LRMDA: variants seen among roughly 807,000 people sequenced by gnomAD.
The protein encoded by LRMDA is leucine rich melanocyte differentiation associated.
Under a neutral mutation model 29.8 loss-of-function variants are expected in LRMDA, and 18 were observed. That is an observed-to-expected ratio of 0.60 (90% CI 0.42 to 0.90). The LOEUF is 0.90. Ranked by LOEUF, LRMDA falls within the 40% of genes least tolerant of loss-of-function variation. The pLI, the probability that LRMDA is intolerant of heterozygous loss-of-function variation, is 0.00. For missense variants in LRMDA, 273 were observed against 273.9 expected, an observed-to-expected ratio of 1.00 and a Z score of 0.02; for synonymous variants, 125 against 109.4, an observed-to-expected ratio of 1.14 and a Z score of -0.89.
chr10:75,749,458 A>G (rs1842926918), intron 2 of LRMDA, among the ~76,000 whole-genome samples: 1 of 152,134 alleles, frequency 6.6e-6, no homozygotes, highest in Admixed American at 6.5e-5. Flanking sequence ...ATATATGTGT[A>G]TATGTACATA....
At chr10:75,959,202 G>A (rs912168495) in intron 2 of LRMDA, among the ~76,000 whole-genome samples, 3 of 152,080 alleles carry the variant, frequency 2.0e-5, no homozygotes, top group Non-Finnish European at 2.9e-5. Context: ...AGGTCCTCCC[G>A]CCCCATTTCC....
rs145177023 is a variant in LRMDA at position 75,656,941 on chromosome 10, C to T, written c.131+218447C>T. Reference sequence around the variant, plus strand: ...TATTAAAGTGTTTAAAGCGGCTTAACGGGTTGATGTAAAATTAAGCATCAT... The same window carrying T: ...TATTAAAGTGTTTAAAGCGGCTTAATGGGTTGATGTAAAATTAAGCATCAT... On this transcript the variant is annotated intron_variant, in intron 2 of 6. Coordinates refer to ENST00000611255, the MANE Select transcript of LRMDA (RefSeq NM_001305581.2). Among the ~76,000 whole-genome samples, 37 of 152,204 alleles carry T rather than the reference C, an allele frequency of 2.4e-4. 1 individual carries two copies. The highest frequency in any genetic ancestry group is 5.5e-4 in the African/African-American group (23 of 41,524).
chr10:76,109,524 T>C (rs776164869), intron 5 of LRMDA, among the ~76,000 whole-genome samples: 3 of 152,244 alleles, frequency 2.0e-5, no homozygotes, highest in African/African-American at 7.2e-5. Flanking sequence ...TTGAGAACTC[T>C]GTCTTCTCCC....
chr10:76,428,579 T>C (rs1013749808), intron 6 of LRMDA, among the ~76,000 whole-genome samples: 1 of 152,162 alleles, frequency 6.6e-6, no homozygotes, highest in African/African-American at 2.4e-5. Context: ...ACTTTTTTCT[T>C]GGATACTCCT....
chr10:76,363,077 G>A (rs563618944), intron 6 of LRMDA, among the ~76,000 whole-genome samples: 3 of 146,460 alleles, frequency 2.0e-5, no homozygotes, highest in South Asian at 2.2e-4. Context: ...TGCTAACATC[G>A]ACCTAGCATT....
At chr10:75,666,552 A>G (rs1841825160) in intron 2 of LRMDA, among the ~76,000 whole-genome samples, 2 of 152,314 alleles carry the variant, frequency 1.3e-5, no homozygotes, top group South Asian at 4.1e-4. Context: ...CTTAGTGTCA[A>G]GTCACTAACT....
intron 6 of LRMDA, among the ~76,000 whole-genome samples, chr10:76,397,725 G>A (rs1017339199): frequency 2.0e-5 from 3 of 152,132 alleles, no homozygotes; most frequent in Non-Finnish European, 2.9e-5. Context: ...CATTTTGAAG[G>A]CATGCTCGCC....
chr10:76,015,448 C>T (rs1847864627), intron 2 of LRMDA, among the ~76,000 whole-genome samples: 1 of 152,190 alleles, frequency 6.6e-6, no homozygotes, highest in African/African-American at 2.4e-5. Flanking sequence ...TACCTCGGCT[C>T]CTTGCCACAT....
At chr10:75,458,092 G>A (rs1844541744) in intron 2 of LRMDA, among the ~76,000 whole-genome samples, 1 of 152,130 alleles carries the variant, frequency 6.6e-6, no homozygotes, top group Non-Finnish European at 1.5e-5. Flanking sequence ...TATTGAGTAG[G>A]TCATTTAATC....
rs187044559 is a variant in LRMDA, at chr10:76,283,063, C to T, written c.517-41338C>T. Among the ~76,000 whole-genome samples, 245 of 152,292 alleles carry T rather than the reference C, an allele frequency of 1.6e-3. 6 individuals carry two copies. Among genetic ancestry groups the T allele is most frequent in the Admixed American group, 0.014 (220 of 15,294 alleles). ...GGAAAAGGGAGATGAGGACTAAATT[C>T]ACTTTAGAACCTCAACTTCAAGGTT... On this transcript the variant is annotated intron_variant, in intron 5 of 6. Coordinates refer to ENST00000611255, the MANE Select transcript of LRMDA (RefSeq NM_001305581.2).
At chr10:75,595,419 A>G (rs912111699) in intron 2 of LRMDA, among the ~76,000 whole-genome samples, 13 of 152,010 alleles carry the variant, frequency 8.6e-5, no homozygotes, top group African/African-American at 2.9e-4. Flanking sequence ...TAGACATTCT[A>G]TTCTTTTCTC....
At chr10:75,749,927 A>G (rs1842934227) in intron 2 of LRMDA, among the ~76,000 whole-genome samples, 1 of 152,234 alleles carries the variant, frequency 6.6e-6, no homozygotes, top group African/African-American at 2.4e-5. Flanking sequence ...CACATGTTTC[A>G]GAGAGCACGG....
intron 5 of LRMDA, among the ~76,000 whole-genome samples, chr10:76,164,355 A>G (rs1850697321): frequency 6.6e-6 from 1 of 152,184 alleles, no homozygotes; most frequent in Admixed American, 6.5e-5. Context: ...TAGAGTAGGT[A>G]TTTATTTTAC....
rs562682393 is a variant in LRMDA at position 75,943,812 on chromosome 10, C to T, written c.132-92196C>T. ...GGTAGTTATCTAGCTCAATTCAACA[C>T]TTATTCAACAATTATTTATTGAGGA... On this transcript the variant is annotated intron_variant, in intron 2 of 6. Transcript: ENST00000611255. Among the ~76,000 whole-genome samples, 81 of 152,302 alleles carry T rather than the reference C, an allele frequency of 5.3e-4. 1 individual carries two copies. The South Asian group carries it at 0.016, about 31-fold the overall frequency.
At chr10:75,706,361 T>C (rs1024439751) in intron 2 of LRMDA, among the ~76,000 whole-genome samples, 5 of 152,226 alleles carry the variant, frequency 3.3e-5, no homozygotes, top group African/African-American at 1.2e-4. Flanking sequence ...ATTGGGCTGA[T>C]GAGACACCAT....
chr10:75,858,841 C>G (rs1564588568), intron 2 of LRMDA, among the ~76,000 whole-genome samples: 1 of 152,160 alleles, frequency 6.6e-6, no homozygotes, highest in Non-Finnish European at 1.5e-5. Context: ...GCTCCTCTAC[C>G]CCTAATCTCT....
At position 75,518,057 on chromosome 10, in the gene LRMDA, AT is replaced by A. The variant is rs529976060; in HGVS notation, c.131+79565del. On this transcript the variant is annotated intron_variant, in intron 2 of 6. Coordinates refer to ENST00000611255, the MANE Select transcript of LRMDA (RefSeq NM_001305581.2). ...GCATCCCAGGGATGAAGCCCACTTG[AT>A]TGTGGTGGATAAGCTTTTTGATGTG... Among the ~76,000 whole-genome samples the A allele has an allele frequency of 6.1e-3, 930 of 152,294 alleles. 17 individuals are homozygous for A. Among genetic ancestry groups the A allele is most frequent in the African/African-American group, 0.021 (883 of 41,554 alleles).
At chr10:75,994,647 G>A (rs944534974) in intron 2 of LRMDA, among the ~76,000 whole-genome samples, 4 of 152,184 alleles carry the variant, frequency 2.6e-5, no homozygotes, top group Non-Finnish European at 4.4e-5. Context: ...AGACCAAGTC[G>A]TTGATGTCCT....
intron 2 of LRMDA, among the ~76,000 whole-genome samples, chr10:75,857,404 G>A (rs761197219): frequency 5.3e-5 from 8 of 152,142 alleles, no homozygotes; most frequent in Non-Finnish European, 7.3e-5. Context: ...GTGAGAGAAG[G>A]TCCTCTTTGA....
Sources: allele counts gnomAD v4.1 joint callset (sites outside exome capture counted in the v4.1 genomes callset), GRCh38; gene constraint gnomAD v4.1.1; transcripts MANE v1.5; gene names NCBI Gene and HGNC (gene_info 2026-07-23, HGNC 2026-07-21).